Variants in CASZ1 observed in about 807,000 individuals in gnomAD.
The protein encoded by CASZ1 is zinc finger protein castor homolog 1.
Under a neutral mutation model 135.2 loss-of-function variants are expected in CASZ1, and 28 were observed. The ratio of observed to expected loss-of-function variants is 0.21; its 90% CI spans 0.15 to 0.28. The LOEUF is 0.28. CASZ1 is among the 10% of genes least tolerant of loss of function. The pLI is 1.00. For synonymous variants in CASZ1, 1,068 were observed against 1,073.4 expected, an observed-to-expected ratio of 0.99 and a Z score of 0.10; for missense variants, 2,161 against 2,453.3, an observed-to-expected ratio of 0.88 and a Z score of 2.52.
chr1:10,748,054 G>A (rs989925586), intron 2 of CASZ1, among the ~76,000 whole-genome samples: 4 of 152,120 alleles, frequency 2.6e-5, no homozygotes, highest in African/African-American at 9.7e-5. Flanking sequence ...TCCTGACCTC[G>A]TGATCCGCCC....
chr1:10,769,880 T>C (rs553042670), intron 1 of CASZ1, among the ~76,000 whole-genome samples: 6 of 151,822 alleles, frequency 4.0e-5, no homozygotes, highest in African/African-American at 1.5e-4. Flanking sequence ...TATGGATCAT[T>C]ACACTAAATC....
rs980545891 is a variant in CASZ1, at chr1:10,700,925, C to T, written c.-24+4567G>A. 2.6e-5 allele frequency among the ~76,000 whole-genome samples: 4 copies of T among 151,986 alleles called. No homozygotes were observed. The highest frequency in any genetic ancestry group is 4.4e-5 in the Non-Finnish European group (3 of 67,992). On this transcript the variant is annotated intron_variant, in intron 3 of 20. Coordinates refer to ENST00000377022, the MANE Select transcript of CASZ1 (RefSeq NM_001079843.3). The surrounding 1 kb of genome is among the most constrained non-coding windows in gnomAD (Gnocchi z 4.2). ...GTATATGAATGATATCTCAATAAAG[C>T]GGTTATTAAAAAGTGGGGGAAAGAC...
At chr1:10,744,211 C>T (rs2100539911) in intron 2 of CASZ1, among the ~76,000 whole-genome samples, 1 of 152,076 alleles carries the variant, frequency 6.6e-6, no homozygotes, top group East Asian at 1.9e-4. Flanking sequence ...CTGAAACTTG[C>T]CCAAAGTCCA....
intron 4 of CASZ1, among the ~76,000 whole-genome samples, chr1:10,685,481 C>T (rs1638556763): frequency 6.6e-6 from 1 of 152,256 alleles, no homozygotes; most frequent in Non-Finnish European, 1.5e-5. Context: ...AAAGGGTTCC[C>T]CCATTTCTCA....
Position 10,707,291 on chromosome 1 carries a change from T to G in CASZ1, c.-76-1747A>C, listed in dbSNP as rs1048634278. On this transcript the variant is annotated intron_variant, in intron 2 of 20. Coordinates refer to ENST00000377022, the MANE Select transcript of CASZ1 (RefSeq NM_001079843.3). This position sits in a 1 kb window ranked among gnomAD's most constrained non-coding sequence, Gnocchi z 5.0. Reference sequence around the variant, plus strand: ...TAATTCATGAGGCACTAATTAGTTCTTTGTTTAATTTTGTGTTAAACAGAC... The same window carrying G: ...TAATTCATGAGGCACTAATTAGTTCGTTGTTTAATTTTGTGTTAAACAGAC... Among the ~76,000 whole-genome samples, 2 of 152,208 alleles carry G rather than the reference T, an allele frequency of 1.3e-5. No individual in the cohort carries two copies. Among genetic ancestry groups the G allele is most frequent in the African/African-American group, 4.8e-5 (2 of 41,440 alleles).
At chr1:10,737,143 T>C (rs1639815046) in intron 2 of CASZ1, among the ~76,000 whole-genome samples, 1 of 152,236 alleles carries the variant, frequency 6.6e-6, no homozygotes, top group South Asian at 2.1e-4. Flanking sequence ...TGGATAAATA[T>C]AGCCACTGGG....
intron 20 of CASZ1, among the ~76,000 whole-genome samples, chr1:10,641,346 C>A (rs1642194066): frequency 6.6e-6 from 1 of 152,224 alleles, no homozygotes; most frequent in Non-Finnish European, 1.5e-5. Context: ...TCGGCCCTGC[C>A]CTGGCCATAA....
At chr1:10,715,597 A>ACCCCACAGCACCCAATCCGCT (rs1557527653) in intron 2 of CASZ1, among the ~76,000 whole-genome samples, 2 of 86,334 alleles carry the variant, frequency 2.3e-5, no homozygotes, top group African/African-American at 1.1e-4. Context: ...CCCAATCCGC[A>ACCCCACAGCACCCAATCCGCT]CCCCACAGCA....
intron 4 of CASZ1, among the ~76,000 whole-genome samples, chr1:10,690,538 G>A (rs2100396998): frequency 6.6e-6 from 1 of 152,334 alleles, no homozygotes; most frequent in African/African-American, 2.4e-5. Flanking sequence ...TGCGATGGGG[G>A]ATCTGCTGGC....
chr1:10,791,664 A>G (rs185406489), intron 1 of CASZ1, among the ~76,000 whole-genome samples: 9 of 152,136 alleles, frequency 5.9e-5, no homozygotes, highest in African/African-American at 1.2e-4. Context: ...TAAGCTGTTG[A>G]CTTCTTGGTT....
chr1:10,742,791 C>T (rs1218094929), intron 2 of CASZ1, among the ~76,000 whole-genome samples: 1 of 152,012 alleles, frequency 6.6e-6, no homozygotes, highest in African/African-American at 2.4e-5. Context: ...CAAGACCAGC[C>T]CGGGCAACAT....
At chr1:10,692,689 T>C (rs1638806618) in intron 4 of CASZ1, among the ~76,000 whole-genome samples, 1 of 152,120 alleles carries the variant, frequency 6.6e-6, no homozygotes, top group Non-Finnish European at 1.5e-5. Context: ...AGGCCCTTCT[T>C]CACCGGCCAC....
intron 2 of CASZ1, among the ~76,000 whole-genome samples, chr1:10,743,044 A>G (rs1213153402): frequency 6.6e-6 from 1 of 152,040 alleles, no homozygotes; most frequent in Non-Finnish European, 1.5e-5. Flanking sequence ...CTGGGGGTGG[A>G]GCAGCCCCCT....
At chr1:10,644,152 GC>G (rs535299705) in intron 18 of CASZ1, among the ~76,000 whole-genome samples, 30 of 152,154 alleles carry the variant, frequency 2.0e-4, no homozygotes, top group Admixed American at 4.6e-4. Context: ...AACGGGCCTT[GC>G]CTGCAGCCCA....
chr1:10,668,583 G>C (rs941231809), intron 4 of CASZ1, among the ~76,000 whole-genome samples: 7 of 152,250 alleles, frequency 4.6e-5, no homozygotes, highest in African/African-American at 1.7e-4. Flanking sequence ...CCCACACACA[G>C]TCAGAGCCCA....
chr1:10,708,280 A>G (rs889713140), intron 2 of CASZ1, among the ~76,000 whole-genome samples: 1 of 152,224 alleles, frequency 6.6e-6, no homozygotes, highest in Non-Finnish European at 1.5e-5. Context: ...TTGGCCCCAG[A>G]GGCATCAGGC....
In CASZ1 at chr1:10,724,567, A is replaced by G. The variant is rs1159663028; in HGVS notation, c.-76-19023T>C. Among the ~76,000 whole-genome samples the G allele has an allele frequency of 1.3e-5, 2 of 152,186 alleles. No homozygotes were observed. The highest frequency in any genetic ancestry group is 6.5e-5 in the Admixed American group (1 of 15,284). On this transcript the variant is annotated intron_variant, in intron 2 of 20. Transcript: ENST00000377022. The surrounding 1 kb of genome is among the most constrained non-coding windows in gnomAD (Gnocchi z 4.1). ...CAGAGAGAGGCTTTGGAGCCCAGGA[A>G]TCACCTAGCCCTCAGGGGTAGGGGC...
intron 1 of CASZ1, among the ~76,000 whole-genome samples, chr1:10,770,784 T>C (rs1640562051): frequency 6.6e-6 from 1 of 152,220 alleles, no homozygotes; most frequent in Non-Finnish European, 1.5e-5. Context: ...GGTCTACATC[T>C]TAAAGAAGGC....
intron 1 of CASZ1, among the ~76,000 whole-genome samples, chr1:10,775,699 G>A (rs1640650179): frequency 6.6e-6 from 1 of 152,204 alleles, no homozygotes; most frequent in Non-Finnish European, 1.5e-5. Context: ...AGAGGGTAGG[G>A]TTGCTCAGTT....
Sources: allele counts gnomAD v4.1 joint callset (sites outside exome capture counted in the v4.1 genomes callset), GRCh38; gene constraint gnomAD v4.1.1; non-coding constraint Gnocchi (gnomAD v3.1); transcripts MANE v1.5; gene names NCBI Gene and HGNC (gene_info 2026-07-23, HGNC 2026-07-21).